The following EDIL3 variants were observed in gnomAD, a reference collection of about 807,000 sequenced individuals.
EDIL3 encodes EGF like and discoidin domains 3, also known as EGF-like repeat and discoidin I-like domain-containing protein 3.
Under a neutral mutation model 67.4 loss-of-function variants are expected in EDIL3, and 37 were observed. The observed-to-expected ratio is 0.55, with a 90% CI of 0.42 to 0.72. The LOEUF (loss-of-function observed/expected upper bound fraction) is 0.72, where lower values mean the gene tolerates loss of function less well. Among genes scored for constraint, EDIL3 ranks in the 30% least tolerant of loss-of-function variants. EDIL3 has a pLI of 0.00. For missense variants in EDIL3, 527 were observed against 586.3 expected, an observed-to-expected ratio of 0.90 and a Z score of 1.04; for synonymous variants, 195 against 196.3, an observed-to-expected ratio of 0.99 and a Z score of 0.05.
chr5:84,384,081 T>C (rs1381275486), intron 1 of EDIL3, among the ~76,000 whole-genome samples: 1 of 151,992 alleles, frequency 6.6e-6, no homozygotes, highest in Non-Finnish European at 1.5e-5. Context: ...CTTTCCTGTA[T>C]CTCACCCCGG....
chr5:84,189,806 C>T (rs1379984884), intron 3 of EDIL3, among the ~76,000 whole-genome samples: 2 of 151,794 alleles, frequency 1.3e-5, no homozygotes, highest in African/African-American at 4.8e-5. Context: ...TTTTAGTTGG[C>T]CAATAATATT....
At chr5:84,338,075 T>C (rs1747025726) in intron 1 of EDIL3, among the ~76,000 whole-genome samples, 2 of 152,188 alleles carry the variant, frequency 1.3e-5, no homozygotes, top group Admixed American at 1.3e-4. Context: ...ATGTAAACTT[T>C]AGATTTATGC....
intron 9 of EDIL3, among the ~76,000 whole-genome samples, chr5:83,978,931 A>C (rs1744919042): frequency 6.6e-6 from 1 of 152,140 alleles, no homozygotes; most frequent in South Asian, 2.1e-4. Context: ...TTTAAGCAAA[A>C]CATAAAAATG....
intron 1 of EDIL3, among the ~76,000 whole-genome samples, chr5:84,281,971 A>G (rs1210920558): frequency 1.4e-5 from 2 of 140,378 alleles, no homozygotes; most frequent in African/African-American, 5.4e-5. Context: ...GATTCAAGTG[A>G]TTCTGCTGCC....
intron 1 of EDIL3, among the ~76,000 whole-genome samples, chr5:84,368,609 A>G (rs937599448): frequency 1.3e-5 from 2 of 152,182 alleles, no homozygotes; most frequent in African/African-American, 4.8e-5. Context: ...ACAGGCAACA[A>G]AAGAAAAAAT....
chr5:84,209,187 G>A (rs1744059198), intron 3 of EDIL3, among the ~76,000 whole-genome samples: 1 of 151,232 alleles, frequency 6.6e-6, no homozygotes, highest in Non-Finnish European at 1.5e-5. Flanking sequence ...AGAACACATG[G>A]ACACAGGAAG....
At chr5:84,029,971 A>C (rs957496908) in intron 9 of EDIL3, among the ~76,000 whole-genome samples, 1 of 152,218 alleles carries the variant, frequency 6.6e-6, no homozygotes, top group Non-Finnish European at 1.5e-5. Context: ...GATAAATCTA[A>C]TAATTAGAAT....
intron 3 of EDIL3, among the ~76,000 whole-genome samples, chr5:84,189,440 T>C (rs1430518368): frequency 1.3e-5 from 2 of 151,974 alleles, no homozygotes; most frequent in African/African-American, 4.8e-5. Flanking sequence ...TGACAGGTAA[T>C]CATTGTGGCA....
intron 6 of EDIL3, among the ~76,000 whole-genome samples, chr5:84,073,323 C>T (rs922868255): frequency 3.3e-5 from 5 of 152,102 alleles, no homozygotes; most frequent in South Asian, 2.1e-4. Flanking sequence ...TCCTATTCAA[C>T]ATAGTGTTGG....
In EDIL3 at chr5:84,066,461, T is replaced by C. The variant is rs772535428; in HGVS notation, c.797A>G (p.Asn266Ser). The part of the protein sequence containing the change: ...TWAMYKVKGT[N>S]EDMVFRGNID... ...TTAAATTATTCTTACCATGTCTTCA[T>C]TGGTGCCTTTCACTTTGTACATTGC... Residue 266 changes from asparagine to serine, a missense_variant, in exon 7 of 11, where the codon AAT becomes AGT. Around this residue, in one of 2 missense-constraint regions of EDIL3, gnomAD observed 494 missense variants for 522.5 expected, o/e 0.95. Transcript: ENST00000296591. 13 of 1,599,962 alleles carry C rather than the reference T, an allele frequency of 8.1e-6. No individual in the cohort carries two copies. The highest frequency in any genetic ancestry group is 6.8e-5 in the East Asian group (3 of 44,432).
In EDIL3 at chr5:84,384,561, GC is replaced by G. The variant is rs1411590784; in HGVS notation, c.-188del. 2.0e-6 allele frequency: 1 copy of G among 504,542 alleles called. No homozygotes were observed. Among genetic ancestry groups the G allele is most frequent in the Non-Finnish European group, 3.4e-6 (1 of 296,678 alleles). 31.3% of individuals were successfully genotyped at this position (504,542 alleles called of 1,614,324 possible). On this transcript the variant is annotated 5_prime_UTR_variant, in exon 1 of 11. Coordinates refer to ENST00000296591, the MANE Select transcript of EDIL3 (RefSeq NM_005711.5). ...GCGAGAGTGGTGACTAAAGAGAGGA[GC>G]CTTTCCTCCCCTTTTGCCTGCGCTC...
At chr5:84,327,185 GC>G (rs1746780077) in intron 1 of EDIL3, among the ~76,000 whole-genome samples, 1 of 151,742 alleles carries the variant, frequency 6.6e-6, no homozygotes, top group African/African-American at 2.4e-5. Flanking sequence ...ATTAATTGTA[GC>G]CAAAATGAGG....
At chr5:84,174,519 T>C (rs1370056759) in intron 4 of EDIL3, among the ~76,000 whole-genome samples, 1 of 152,202 alleles carries the variant, frequency 6.6e-6, no homozygotes, top group Non-Finnish European at 1.5e-5. Context: ...TCTAAGTCTT[T>C]TTCCAGCCTG....
At chr5:84,353,714 C>G (rs767918365) in intron 1 of EDIL3, among the ~76,000 whole-genome samples, 4 of 152,192 alleles carry the variant, frequency 2.6e-5, no homozygotes, top group Non-Finnish European at 4.4e-5. Context: ...TCTGACAGCA[C>G]ATACCTACAG....
At chr5:84,233,609 G>A (rs1235759252) in intron 2 of EDIL3, among the ~76,000 whole-genome samples, 1 of 152,152 alleles carries the variant, frequency 6.6e-6, no homozygotes, top group African/African-American at 2.4e-5. Flanking sequence ...CTGTATCTCA[G>A]AACTAACTAA....
chr5:84,007,528 A>G (rs1745439883), intron 9 of EDIL3, among the ~76,000 whole-genome samples: 2 of 152,196 alleles, frequency 1.3e-5, no homozygotes. Context: ...AAGGTTCTCA[A>G]TATCATTAAT....
At chr5:84,277,662 A>T (rs545646086) in intron 1 of EDIL3, among the ~76,000 whole-genome samples, 68 of 152,240 alleles carry the variant, frequency 4.5e-4, no homozygotes, top group African/African-American at 1.5e-3. Context: ...ATATTTTAAG[A>T]ACCTACCTTT....
chr5:84,300,020 A>C (rs1036952909), intron 1 of EDIL3, among the ~76,000 whole-genome samples: 1 of 152,218 alleles, frequency 6.6e-6, no homozygotes, highest in Non-Finnish European at 1.5e-5. Context: ...CTGTCATATC[A>C]AATTATCATG....
At chr5:84,068,363 C>T (rs1329129059) in intron 6 of EDIL3, among the ~76,000 whole-genome samples, 3 of 152,048 alleles carry the variant, frequency 2.0e-5, no homozygotes, top group Non-Finnish European at 4.4e-5. Context: ...TGTTGCTGAA[C>T]ATTCCTTTTT....
Sources: gnomAD v4.1 joint callset for allele counts (sites outside exome capture counted in the v4.1 genomes callset) on GRCh38, gnomAD v4.1.1 for gene constraint, gnomAD v4.1.1 regional missense constraint, MANE v1.5 for transcripts, NCBI Gene and HGNC (gene_info 2026-07-23, HGNC 2026-07-21) for gene names.